DLG2: variants seen among roughly 807,000 people sequenced by gnomAD.
DLG2 encodes discs large MAGUK scaffold protein 2, also known as disks large homolog 2.
A neutral mutation model predicts 132.5 loss-of-function variants in DLG2; 45 were observed. The ratio of observed to expected loss-of-function variants is 0.34; its 90% confidence interval spans 0.27 to 0.44. The LOEUF (loss-of-function observed/expected upper bound fraction) is 0.44. DLG2 is among the 20% of genes least tolerant of loss of function. The probability of loss-of-function intolerance (pLI) is 1.00; values close to 1 mark genes in which losing one functional copy is unlikely to be tolerated. For synonymous variants in DLG2, 424 were observed against 419.6 expected (o/e 1.01, Z -0.13); for missense variants, 1,045 against 1,196.9 (o/e 0.87, Z 1.87).
intron 7 of DLG2, among the ~76,000 whole-genome samples, chr11:84,303,247 C>A (rs1351111184): frequency 1.3e-5 from 2 of 152,086 alleles, no homozygotes; most frequent in East Asian, 3.8e-4. Context: ...TAAACATAAT[C>A]AACTTTAGAG....
chr11:84,450,723 C>A (rs1303127847), intron 7 of DLG2, among the ~76,000 whole-genome samples: 1 of 151,670 alleles, frequency 6.6e-6, no homozygotes, highest in African/African-American at 2.4e-5. Context: ...AAATACACTC[C>A]TTTTCACAAT....
At chr11:84,062,014 A>G (rs1207529940) in intron 10 of DLG2, among the ~76,000 whole-genome samples, 1 of 152,176 alleles carries the variant, frequency 6.6e-6, no homozygotes, top group Non-Finnish European at 1.5e-5. Context: ...TATGCTCAGA[A>G]TACTAATTAT....
At chr11:84,033,297 T>C (rs1047654835) in intron 11 of DLG2, among the ~76,000 whole-genome samples, 2 of 151,912 alleles carry the variant, frequency 1.3e-5, no homozygotes, top group Admixed American at 6.6e-5. Flanking sequence ...AAAACAGGAG[T>C]TTGAAAAAAG....
intron 7 of DLG2, among the ~76,000 whole-genome samples, chr11:84,422,345 G>A (rs142372437): frequency 1.4e-3 from 220 of 152,246 alleles, no homozygotes; most frequent in African/African-American, 5.1e-3. Context: ...TAATTATGAT[G>A]TTTTAATAGC....
intron 18 of DLG2, among the ~76,000 whole-genome samples, chr11:83,672,888 C>T (rs1391051415): frequency 6.6e-6 from 1 of 152,046 alleles, no homozygotes. Context: ...TGGTGAAACC[C>T]GTCTCTACTA....
chr11:85,010,431 G>A (rs1768611652), intron 6 of DLG2, among the ~76,000 whole-genome samples: 1 of 152,066 alleles, frequency 6.6e-6, no homozygotes, highest in African/African-American at 2.4e-5. Context: ...GATGTTCTCA[G>A]AGTTCAGACC....
chr11:84,850,601 T>C (rs1169656148), intron 6 of DLG2, among the ~76,000 whole-genome samples: 1 of 152,114 alleles, frequency 6.6e-6, no homozygotes, highest in Non-Finnish European at 1.5e-5. Flanking sequence ...TTGAAAAGGA[T>C]GAAGTAAACT....
intron 6 of DLG2, among the ~76,000 whole-genome samples, chr11:84,962,592 G>C (rs2052735192): frequency 6.6e-6 from 1 of 152,202 alleles, no homozygotes; most frequent in African/African-American, 2.4e-5. Flanking sequence ...TGCCAGGCAT[G>C]CATTTCAATA....
intron 11 of DLG2, among the ~76,000 whole-genome samples, chr11:84,028,407 A>G (rs536138322): frequency 6.6e-6 from 1 of 152,130 alleles, no homozygotes; most frequent in Non-Finnish European, 1.5e-5. Context: ...CAACAAAACA[A>G]AACTCAATCT....
intron 19 of DLG2, among the ~76,000 whole-genome samples, chr11:83,601,629 G>A (rs543937991): frequency 9.0e-5 from 12 of 133,732 alleles, no homozygotes; most frequent in African/African-American, 2.7e-4. Flanking sequence ...CTTCCACCTC[G>A]GCCTCCCATG....
intron 6 of DLG2, among the ~76,000 whole-genome samples, chr11:84,889,450 G>A (rs780239008): frequency 6.6e-6 from 1 of 152,000 alleles, no homozygotes; most frequent in Non-Finnish European, 1.5e-5. Context: ...CTTTAGCGGT[G>A]GTATTTGGGG....
At chr11:83,883,932 T>G (rs748533821) in intron 15 of DLG2, among the ~76,000 whole-genome samples, 7 of 152,070 alleles carry the variant, frequency 4.6e-5, no homozygotes, top group Non-Finnish European at 1.0e-4. Flanking sequence ...GAAAGCAAAT[T>G]TTAGTTAGAA....
intron 18 of DLG2, among the ~76,000 whole-genome samples, chr11:83,753,522 T>C (rs996577610): frequency 6.6e-6 from 1 of 151,512 alleles, no homozygotes; most frequent in Non-Finnish European, 1.5e-5. Context: ...TATAGCATAG[T>C]AGATGTTTAT....
rs118053188 is a variant in DLG2 at position 84,346,831 on chromosome 11, C to T, written c.520-95540G>A. 3.3e-3 allele frequency among the ~76,000 whole-genome samples: 500 copies of T among 152,206 alleles called. 20 individuals are homozygous for T. The East Asian group carries it at 0.074, about 23-fold the overall frequency. On this transcript the variant is annotated intron_variant, in intron 7 of 27. Coordinates refer to ENST00000376104, the MANE Select transcript of DLG2 (RefSeq NM_001142699.3). The stretch of plus-strand genomic sequence containing the variant: ...GACCTCGTGATCCACTGTCCTTGGC[C>T]TCCCAAGAGACTGCAGTTTTCATTT...
At chr11:84,389,518 AC>A (rs2154439693) in intron 7 of DLG2, among the ~76,000 whole-genome samples, 1 of 152,268 alleles carries the variant, frequency 6.6e-6, no homozygotes, top group African/African-American at 2.4e-5. Flanking sequence ...AATTTTGTTT[AC>A]ACTGGAATAA....
intron 11 of DLG2, among the ~76,000 whole-genome samples, chr11:84,053,935 T>C (rs530458516): frequency 4.0e-4 from 61 of 152,094 alleles, no homozygotes; most frequent in African/African-American, 1.4e-3. Context: ...TATGTATCTA[T>C]AGAGATATGA....
At chr11:83,802,804 A>T (rs2044816841) in intron 17 of DLG2, among the ~76,000 whole-genome samples, 1 of 152,150 alleles carries the variant, frequency 6.6e-6, no homozygotes, top group Non-Finnish European at 1.5e-5. Flanking sequence ...AAAAAAAGAA[A>T]AGGATGAATG....
chr11:83,916,712 C>T (rs790362), intron 15 of DLG2, among the ~76,000 whole-genome samples: 121,697 of 152,154 alleles, frequency 0.8, 48,757 homozygotes, highest in East Asian at 0.91. Flanking sequence ...CCATCCCAAT[C>T]ATACTTCCCT....
intron 3 of DLG2, among the ~76,000 whole-genome samples, chr11:85,341,375 C>T (rs954623048): frequency 3.9e-5 from 6 of 152,198 alleles, no homozygotes; most frequent in African/African-American, 1.4e-4. Flanking sequence ...CCGCCTGGGC[C>T]TCCCAAAGTG....
Sources: gnomAD v4.1 joint callset for allele counts (sites outside exome capture counted in the v4.1 genomes callset) on GRCh38, gnomAD v4.1.1 for gene constraint, MANE v1.5 for transcripts, NCBI Gene and HGNC (gene_info 2026-07-23, HGNC 2026-07-21) for gene names.